SLIT3: variants seen among roughly 807,000 people sequenced by gnomAD.
SLIT3 encodes the protein slit guidance ligand 3.
A neutral mutation model predicts 184.0 loss-of-function variants in SLIT3; 68 were observed. The ratio of observed to expected loss-of-function variants is 0.37; its 90% CI spans 0.30 to 0.45. SLIT3 has a LOEUF of 0.45. SLIT3 is among the 20% of genes least tolerant of loss of function. SLIT3 has a pLI of 1.00. For synonymous variants in SLIT3, 831 were observed against 828.6 expected (o/e 1.00, Z -0.05); for missense variants, 1,707 against 2,026.0 (o/e 0.84, Z 3.02).
At chr5:168,682,282 C>T (rs2113215687) in intron 32 of SLIT3, among the ~76,000 whole-genome samples, 1 of 152,358 alleles carries the variant, frequency 6.6e-6, no homozygotes, top group Middle Eastern at 3.4e-3. Context: ...CCCAGCATGC[C>T]TTGCCCACCT....
At chr5:169,298,952 CGAG>C (rs1767596397) in intron 1 of SLIT3, among the ~76,000 whole-genome samples, 1 of 152,094 alleles carries the variant, frequency 6.6e-6, no homozygotes, top group African/African-American at 2.4e-5. Context: ...ACTGGTGTGA[CGAG>C]GAGGGGAACT....
intron 4 of SLIT3, among the ~76,000 whole-genome samples, chr5:168,971,213 C>T (rs980348980): frequency 6.6e-6 from 1 of 152,222 alleles, no homozygotes; most frequent in African/African-American, 2.4e-5. Flanking sequence ...CTATTATCAT[C>T]ATCTTCAGCG....
At position 168,684,001 on chromosome 5, in the gene SLIT3, A is replaced by G. The variant is rs1251770766; in HGVS notation, c.3651T>C (p.Tyr1217=). ...ELYQGHVRLV[Y]DSLSSPPTTV... ...TGGTTGGAGGGGAACTCAGGCTGTC[A>G]TAGACCAGCCGCACGTGGCCCTGGT... The change falls in exon 32 of 36, where the codon TAT becomes TAC. Residue 1217 remains tyrosine (Y), a synonymous_variant. Coordinates refer to ENST00000519560, the MANE Select transcript of SLIT3 (RefSeq NM_003062.4). 1 of 1,604,396 alleles carries G rather than the reference A, an allele frequency of 6.2e-7. No homozygotes were observed. Among genetic ancestry groups the G allele is most frequent in the East Asian group, 2.3e-5 (1 of 43,950 alleles).
At chr5:169,018,904 T>G (rs1218411377) in intron 4 of SLIT3, among the ~76,000 whole-genome samples, 1 of 152,212 alleles carries the variant, frequency 6.6e-6, no homozygotes, top group East Asian at 1.9e-4. Context: ...TAGGAACTCC[T>G]GCAGTGGCTG....
At chr5:169,234,350 G>A (rs1217665236) in intron 3 of SLIT3, among the ~76,000 whole-genome samples, 2 of 152,202 alleles carry the variant, frequency 1.3e-5, no homozygotes, top group Non-Finnish European at 2.9e-5. Flanking sequence ...ATTTTTGGAA[G>A]TGTTGACTGT....
At chr5:169,090,485 C>T (rs537462806) in intron 4 of SLIT3, among the ~76,000 whole-genome samples, 7 of 152,276 alleles carry the variant, frequency 4.6e-5, no homozygotes, top group Non-Finnish European at 7.4e-5. Flanking sequence ...GGGCCAGGAT[C>T]GGCAGGCCTT....
chr5:168,763,503 A>G (rs1175451511), intron 14 of SLIT3, among the ~76,000 whole-genome samples: 1 of 152,168 alleles, frequency 6.6e-6, no homozygotes, highest in Non-Finnish European at 1.5e-5. Flanking sequence ...CATTCTACAT[A>G]ACTATAGTGA....
At chr5:168,955,610 C>G (rs568898990) in intron 4 of SLIT3, among the ~76,000 whole-genome samples, 13 of 152,222 alleles carry the variant, frequency 8.5e-5, no homozygotes, top group Non-Finnish European at 1.9e-4. Flanking sequence ...GGCAGGTGAA[C>G]TGGTGCCTGC....
chr5:169,291,663 C>T (rs545853019), intron 1 of SLIT3, among the ~76,000 whole-genome samples: 13 of 152,294 alleles, frequency 8.5e-5, no homozygotes, highest in African/African-American at 2.9e-4. Context: ...TGCTTTGCCT[C>T]GAACAGGGGC....
chr5:169,100,929 T>G (rs754813075), intron 4 of SLIT3, among the ~76,000 whole-genome samples: 1 of 152,172 alleles, frequency 6.6e-6, no homozygotes, highest in Non-Finnish European at 1.5e-5. Context: ...CCTCTCAAAG[T>G]GTCCTTCTGT....
At chr5:169,208,590 T>C (rs562396071) in intron 3 of SLIT3, among the ~76,000 whole-genome samples, 4 of 152,274 alleles carry the variant, frequency 2.6e-5, no homozygotes, top group African/African-American at 9.6e-5. Flanking sequence ...AACAGATATA[T>C]AGACCAATGG....
intron 3 of SLIT3, among the ~76,000 whole-genome samples, chr5:169,214,197 A>G (rs556472771): frequency 4.6e-5 from 7 of 152,258 alleles, no homozygotes; most frequent in Non-Finnish European, 8.8e-5. Context: ...CTGATATAAA[A>G]TAAGTGCTCA....
intron 4 of SLIT3, among the ~76,000 whole-genome samples, chr5:168,884,549 GAT>G (rs58407375): frequency 0.016 from 661 of 41,138 alleles, 37 homozygotes; most frequent in African/African-American, 0.052. Flanking sequence ...CCAATTACGA[GAT>G]ATATATATAT....
intron 4 of SLIT3, among the ~76,000 whole-genome samples, chr5:168,890,464 T>C (rs1429677882): frequency 1.3e-5 from 2 of 152,204 alleles, no homozygotes; most frequent in Non-Finnish European, 2.9e-5. Context: ...GGGGCTGTTG[T>C]TGTCATAGAA....
At chr5:168,716,409 A>T (rs565882457) in intron 23 of SLIT3, among the ~76,000 whole-genome samples, 437 of 152,214 alleles carry the variant, frequency 2.9e-3, no homozygotes, top group Admixed American at 6.2e-3. Context: ...AAGCTAATAT[A>T]CCACTTCATA....
At chr5:169,083,542 A>G (rs1759156675) in intron 4 of SLIT3, among the ~76,000 whole-genome samples, 1 of 152,256 alleles carries the variant, frequency 6.6e-6, no homozygotes, top group Non-Finnish European at 1.5e-5. Flanking sequence ...ATTGGCAAAC[A>G]GGAAATTGTC....
At chr5:168,700,815 TGCTGTGTGACTTGGAG>T in intron 26 of SLIT3, 136 bp from the exon 27 acceptor site, 1 of 659,620 alleles carries the variant, frequency 1.5e-6, no homozygotes, top group Non-Finnish European at 2.7e-6. Flanking sequence ...AGGAAAGGCC[TGCTGTGTGACTTGGAG>T]CCCACCCATG....
At chr5:169,052,718 C>T (rs754319431) in intron 4 of SLIT3, among the ~76,000 whole-genome samples, 11 of 152,122 alleles carry the variant, frequency 7.2e-5, no homozygotes, top group East Asian at 3.9e-4. Flanking sequence ...CATTCTATTG[C>T]GGTCCTCTGA....
At chr5:168,844,830 G>C (rs1758400360) in intron 5 of SLIT3, 175 bp from the exon 6 acceptor site, 2 of 586,928 alleles carry the variant, frequency 3.4e-6, no homozygotes, top group African/African-American at 3.7e-5. Context: ...CTCTCTGACT[G>C]TCTGAGAGAA....
Sources: gnomAD v4.1 joint callset for allele counts (sites outside exome capture counted in the v4.1 genomes callset) on GRCh38, gnomAD v4.1.1 for gene constraint, MANE v1.5 for transcripts, NCBI Gene and HGNC (gene_info 2026-07-23, HGNC 2026-07-21) for gene names.